Variants in DDC observed in about 807,000 individuals in gnomAD.
DDC encodes dopa decarboxylase.
Under a neutral mutation model 60.0 loss-of-function variants are expected in DDC, and 43 were observed. The ratio of observed to expected loss-of-function variants is 0.72; its 90% CI spans 0.56 to 0.92. The LOEUF is 0.92. Among genes scored for constraint, DDC ranks in the 40% least tolerant of loss-of-function variants. The pLI, the probability that DDC is intolerant of heterozygous loss-of-function variation, is 0.00. For missense variants in DDC, 573 were observed against 620.2 expected (o/e 0.92, Z 0.81); for synonymous variants, 232 against 234.6 (o/e 0.99, Z 0.10).
chr7:50,491,810 C>T (rs1360293711), intron 9 of DDC, among the ~76,000 whole-genome samples: 1 of 152,024 alleles, frequency 6.6e-6, no homozygotes. Flanking sequence ...GTGACCATTC[C>T]CTCCCTCTTT....
At chr7:50,479,930 T>TC (rs2153536242) in intron 9 of DDC, 67 bp from the exon 10 acceptor site, 1 of 1,296,568 alleles carries the variant, frequency 7.7e-7, no homozygotes, top group East Asian at 2.4e-5. Flanking sequence ...CTCTCCCCTC[T>TC]CCCCACCTGC....
intron 4 of DDC, among the ~76,000 whole-genome samples, chr7:50,535,956 A>C (rs780014110): frequency 6.6e-6 from 1 of 152,210 alleles, no homozygotes; most frequent in South Asian, 2.1e-4. Context: ...CGACCAGGAA[A>C]GTGTGAAAGG....
intron 1 of DDC, among the ~76,000 whole-genome samples, chr7:50,544,347 C>A (rs1029993474): frequency 2.6e-5 from 4 of 152,182 alleles, no homozygotes; most frequent in African/African-American, 9.7e-5. Flanking sequence ...CAACTGGGAA[C>A]AACACAACGT....
intron 1 of DDC, among the ~76,000 whole-genome samples, chr7:50,554,054 A>T (rs762577106): frequency 6.6e-6 from 1 of 152,164 alleles, no homozygotes; most frequent in Non-Finnish European, 1.5e-5. Context: ...AATAATCTAA[A>T]TCCGCTCACA....
In DDC at chr7:50,509,134, A is replaced by G. The variant is rs571939886; in HGVS notation, c.715-5075T>C. On this transcript the variant is annotated intron_variant, in intron 6 of 14. Transcript: ENST00000444124. ...TGTCTTCCCCACCAAGAACCATGCCATGAGGAAAGGGACCATGGCTCGCCA... is the reference window on the plus strand; with the variant it reads ...TGTCTTCCCCACCAAGAACCATGCCGTGAGGAAAGGGACCATGGCTCGCCA... Among the ~76,000 whole-genome samples, 51 of 152,106 alleles carry G rather than the reference A, an allele frequency of 3.4e-4. No individual in the cohort carries two copies. In the South Asian group the frequency reaches 0.011, roughly 32 times the overall value.
chr7:50,490,866 A>G (rs970795047), intron 9 of DDC, among the ~76,000 whole-genome samples: 13 of 152,322 alleles, frequency 8.5e-5, no homozygotes, highest in African/African-American at 3.1e-4. Flanking sequence ...TAGAACTAAA[A>G]CTTATTTTAC....
At chr7:50,517,301 G>A (rs1356100170) in intron 6 of DDC, among the ~76,000 whole-genome samples, 1 of 152,078 alleles carries the variant, frequency 6.6e-6, no homozygotes, top group Admixed American at 6.6e-5. Context: ...ACCACAGAAA[G>A]AGAATTAAAA....
chr7:50,472,773 C>T (rs569100933), intron 11 of DDC, among the ~76,000 whole-genome samples: 37 of 152,304 alleles, frequency 2.4e-4, no homozygotes, highest in African/African-American at 7.0e-4. Context: ...CCTCCTGGGA[C>T]TAACACTCTG....
At chr7:50,502,769 T>C (rs1010669159) in intron 7 of DDC, among the ~76,000 whole-genome samples, 6 of 152,368 alleles carry the variant, frequency 3.9e-5, no homozygotes, top group Non-Finnish European at 7.3e-5. Flanking sequence ...ACTCTACCTT[T>C]GGGATGGTGC....
chr7:50,515,330 A>G (rs2043697643), intron 6 of DDC, among the ~76,000 whole-genome samples: 2 of 152,180 alleles, frequency 1.3e-5, no homozygotes, highest in Admixed American at 1.3e-4. Context: ...TGAAGGAAAG[A>G]TACAGTCCTT....
At chr7:50,504,558 A>C (rs919852924) in intron 6 of DDC, among the ~76,000 whole-genome samples, 5 of 150,996 alleles carry the variant, frequency 3.3e-5, no homozygotes, top group Admixed American at 1.3e-4. Context: ...TAATTAAGTT[A>C]TAATTAAAAT....
intron 4 of DDC, among the ~76,000 whole-genome samples, chr7:50,529,831 G>T (rs1009893119): frequency 1.3e-5 from 2 of 152,142 alleles, no homozygotes; most frequent in East Asian, 3.9e-4. Flanking sequence ...AATGACACGG[G>T]CTGAATTGTG....
intron 6 of DDC, among the ~76,000 whole-genome samples, chr7:50,510,764 G>A (rs895618986): frequency 1.8e-4 from 27 of 151,076 alleles, no homozygotes; most frequent in African/African-American, 5.8e-4. Context: ...GGCGGATCAC[G>A]AGGTCAGGAG....
At chr7:50,500,661 G>A (rs561844558) in intron 7 of DDC, among the ~76,000 whole-genome samples, 3 of 152,286 alleles carry the variant, frequency 2.0e-5, no homozygotes, top group South Asian at 2.1e-4. Context: ...CCTAAGCCTC[G>A]GTTCAGGTCC....
intron 13 of DDC, among the ~76,000 whole-genome samples, chr7:50,464,859 A>T (rs556885826): frequency 6.6e-6 from 1 of 152,300 alleles, no homozygotes; most frequent in Non-Finnish European, 1.5e-5. Context: ...ATTAGAGAGG[A>T]TTAGACCAGG....
At chr7:50,549,157 CA>C (rs2044900495) in intron 1 of DDC, among the ~76,000 whole-genome samples, 1 of 152,172 alleles carries the variant, frequency 6.6e-6, no homozygotes, top group South Asian at 2.1e-4. Flanking sequence ...GCAAGATGTA[CA>C]AGGAAATTAA....
chr7:50,472,965 G>A (rs1241732043), intron 11 of DDC, among the ~76,000 whole-genome samples: 4 of 152,138 alleles, frequency 2.6e-5, no homozygotes, highest in African/African-American at 9.7e-5. Context: ...AACAAAATGA[G>A]AATGTCTATG....
chr7:50,525,863 G>A (rs181057468), intron 6 of DDC, among the ~76,000 whole-genome samples: 1 of 152,018 alleles, frequency 6.6e-6, no homozygotes, highest in East Asian at 1.9e-4. Context: ...AGATTAATTG[G>A]TAAATTGTAA....
At chr7:50,496,632 C>T (rs376691360) in intron 8 of DDC, among the ~76,000 whole-genome samples, 2 of 152,132 alleles carry the variant, frequency 1.3e-5, no homozygotes, top group African/African-American at 4.8e-5. Context: ...CCTGGTTTAT[C>T]ACCTGACTGG....
Sources: gnomAD v4.1 joint callset for allele counts (sites outside exome capture counted in the v4.1 genomes callset) on GRCh38, gnomAD v4.1.1 for gene constraint, MANE v1.5 for transcripts, NCBI Gene and HGNC (gene_info 2026-07-23, HGNC 2026-07-21) for gene names.